The following FARS2 variants were observed in gnomAD, a reference collection of about 807,000 sequenced individuals.
The protein encoded by FARS2 is phenylalanine--tRNA ligase, mitochondrial.
FARS2 carries 40 observed loss-of-function variants against 46.4 expected under a neutral mutation model. The observed-to-expected ratio is 0.86, with a 90% CI of 0.67 to 1.12. The LOEUF (loss-of-function observed/expected upper bound fraction) is 1.12, where lower values mean the gene tolerates loss of function less well. FARS2 is among the 50% of genes most tolerant of loss of function. The probability of loss-of-function intolerance (pLI) is 0.00; values close to 1 mark genes in which losing one functional copy is unlikely to be tolerated. For synonymous variants in FARS2, 234 were observed against 214.9 expected (o/e 1.09, Z -0.78); for missense variants, 513 against 567.9 (o/e 0.90, Z 0.98).
At chr6:5,631,716 G>A (rs763058621) in intron 6 of FARS2, among the ~76,000 whole-genome samples, 2 of 152,132 alleles carry the variant, frequency 1.3e-5, no homozygotes, top group Non-Finnish European at 2.9e-5. Flanking sequence ...CATGTGACCC[G>A]CTTTATGCAT....
rs73719619 is a variant in FARS2 at position 5,486,542 on chromosome 6, T to G, written c.904+55370T>G. On this transcript the variant is annotated intron_variant, in intron 4 of 6. Coordinates refer to ENST00000274680, the MANE Select transcript of FARS2 (RefSeq NM_006567.5). ...GAGAAGTCTCCACCGTCAGAACTTC[T>G]GAGTAAATGATTGCTTTCCCTTTGC... 4.7e-3 allele frequency among the ~76,000 whole-genome samples: 722 copies of G among 152,374 alleles called. 7 individuals carry two copies. The highest frequency in any genetic ancestry group is 0.016 in the African/African-American group (665 of 41,596).
At chr6:5,431,762 C>T in intron 4 of FARS2, 1 of 507,234 alleles carries the variant, frequency 2.0e-6, no homozygotes. Context: ...CTGTCTGGCT[C>T]TTTTCTGTAA....
At chr6:5,341,223 ATATATATATATATTTTTTTT>A (rs1395787796) in intron 1 of FARS2, among the ~76,000 whole-genome samples, 6 of 5,300 alleles carry the variant, frequency 1.1e-3, no homozygotes, top group African/African-American at 4.1e-3. Flanking sequence ...ATATATATAT[ATATATATATATATTTTTTTT>A]TTTTTTTTTT....
intron 6 of FARS2, among the ~76,000 whole-genome samples, chr6:5,650,341 A>C (rs1457897592): frequency 6.6e-6 from 1 of 150,940 alleles, no homozygotes; most frequent in Non-Finnish European, 1.5e-5. Context: ...ATCATGGAAG[A>C]GAGATATATG....
At chr6:5,662,364 C>T (rs1352038819) in intron 6 of FARS2, among the ~76,000 whole-genome samples, 1 of 152,182 alleles carries the variant, frequency 6.6e-6, no homozygotes, top group Non-Finnish European at 1.5e-5. Flanking sequence ...TTTATGAAAT[C>T]CAACCATCAT....
chr6:5,723,808 G>T (rs1401187971), intron 6 of FARS2, among the ~76,000 whole-genome samples: 1 of 152,222 alleles, frequency 6.6e-6, no homozygotes, highest in Non-Finnish European at 1.5e-5. Context: ...AAATTGGGAG[G>T]CTCCTTGCTT....
At chr6:5,262,441 G>A (rs1481198201) in intron 1 of FARS2, among the ~76,000 whole-genome samples, 1 of 152,046 alleles carries the variant, frequency 6.6e-6, no homozygotes, top group Non-Finnish European at 1.5e-5. Context: ...ACCTCGCCCA[G>A]CTAATTTTTG....
intron 6 of FARS2, among the ~76,000 whole-genome samples, chr6:5,736,824 C>A (rs1481139905): frequency 6.6e-6 from 1 of 152,106 alleles, no homozygotes; most frequent in South Asian, 2.1e-4. Context: ...GGAGAGTTAT[C>A]TAAGAGTGAT....
intron 6 of FARS2, among the ~76,000 whole-genome samples, chr6:5,667,415 G>C (rs994248149): frequency 1.3e-5 from 2 of 151,920 alleles, no homozygotes; most frequent in South Asian, 2.1e-4. Flanking sequence ...CTGCTCAGGA[G>C]GCTGAGGCAG....
At chr6:5,325,583 C>G (rs1468564873) in intron 1 of FARS2, among the ~76,000 whole-genome samples, 2 of 152,214 alleles carry the variant, frequency 1.3e-5, no homozygotes, top group Non-Finnish European at 2.9e-5. Flanking sequence ...AATCTTCCTA[C>G]AGCTGAAGCA....
chr6:5,418,673 C>T (rs770615777), intron 3 of FARS2, among the ~76,000 whole-genome samples: 12 of 152,182 alleles, frequency 7.9e-5, no homozygotes, highest in African/African-American at 1.9e-4. Flanking sequence ...GAGTTCTTCG[C>T]GCAGCTCTCT....
intron 4 of FARS2, among the ~76,000 whole-genome samples, chr6:5,522,137 A>T (rs568539737): frequency 6.6e-6 from 1 of 152,316 alleles, no homozygotes; most frequent in African/African-American, 2.4e-5. Flanking sequence ...TTTATTTCTC[A>T]GTCAGAGAGA....
At chr6:5,654,449 A>T (rs1777512895) in intron 6 of FARS2, among the ~76,000 whole-genome samples, 1 of 152,258 alleles carries the variant, frequency 6.6e-6, no homozygotes, top group Non-Finnish European at 1.5e-5. Flanking sequence ...AGCCTGATAC[A>T]TCCTTTGTGG....
rs552245385 is a variant in FARS2 at position 5,727,932 on chromosome 6, C to T, written c.1218-43359C>T. ...GCTGGGAGGGCCACCAGGTGAATGA[C>T]GCTGTTAGAGGGGAAGTGTTGGGGT... On this transcript the variant is annotated intron_variant, in intron 6 of 6. Coordinates refer to ENST00000274680, the MANE Select transcript of FARS2 (RefSeq NM_006567.5). The surrounding 1 kb of genome is among the most constrained non-coding windows in gnomAD (Gnocchi z 4.1). Among the ~76,000 whole-genome samples the T allele has an allele frequency of 4.6e-5, 7 of 152,302 alleles. No individual in the cohort carries two copies. Among genetic ancestry groups the T allele is most frequent in the South Asian group, 4.1e-4 (2 of 4,822 alleles).
At chr6:5,455,269 A>G (rs1764778225) in intron 4 of FARS2, among the ~76,000 whole-genome samples, 1 of 152,214 alleles carries the variant, frequency 6.6e-6, no homozygotes, top group Admixed American at 6.5e-5. Context: ...CCCTCCAAAG[A>G]TGACACAAGC....
At chr6:5,762,896 G>A (rs149182601) in intron 6 of FARS2, among the ~76,000 whole-genome samples, 133 of 152,324 alleles carry the variant, frequency 8.7e-4, no homozygotes, top group African/African-American at 3.1e-3. Context: ...GGAGCTGGGG[G>A]AGGCACCGCT....
rs1207095599 is a variant in FARS2, at chr6:5,696,543, A to G, written c.1218-74748A>G. On this transcript the variant is annotated intron_variant, in intron 6 of 6. Coordinates refer to ENST00000274680, the MANE Select transcript of FARS2 (RefSeq NM_006567.5). Reference sequence around the variant, plus strand: ...GTAGCCATTATAAAGTATTCTATACACCATTAAGTAAAGAAAACAAAGATG... The same window carrying G: ...GTAGCCATTATAAAGTATTCTATACGCCATTAAGTAAAGAAAACAAAGATG... Among the ~76,000 whole-genome samples the G allele has an allele frequency of 2.6e-5, 4 of 152,180 alleles. No homozygotes were observed. The East Asian group carries it at 7.7e-4, about 29-fold the overall frequency.
intron 6 of FARS2, among the ~76,000 whole-genome samples, chr6:5,649,255 A>AT (rs1777226367): frequency 6.6e-6 from 1 of 152,006 alleles, no homozygotes; most frequent in African/African-American, 2.4e-5. Context: ...TTTAAGGAAC[A>AT]TTTCTTTGGG....
At chr6:5,480,021 G>C (rs1766360192) in intron 4 of FARS2, among the ~76,000 whole-genome samples, 1 of 152,246 alleles carries the variant, frequency 6.6e-6, no homozygotes, top group Admixed American at 6.5e-5. Context: ...TATTGGCTTA[G>C]TGTTAACCTG....
Sources: gnomAD v4.1 joint callset for allele counts (sites outside exome capture counted in the v4.1 genomes callset) on GRCh38, gnomAD v4.1.1 for gene constraint, Gnocchi (gnomAD v3.1) non-coding constraint, MANE v1.5 for transcripts, NCBI Gene and HGNC (gene_info 2026-07-23, HGNC 2026-07-21) for gene names.